NRXN1: variants seen among roughly 807,000 people sequenced by gnomAD.
NRXN1 encodes neurexin 1, also known as neurexin-1.
A neutral mutation model predicts 150.9 loss-of-function variants in NRXN1; 39 were observed. The ratio of observed to expected loss-of-function variants is 0.26; its 90% CI spans 0.20 to 0.34. The LOEUF (loss-of-function observed/expected upper bound fraction) is 0.34. Ranked by LOEUF, NRXN1 falls within the 10% of genes least tolerant of loss-of-function variation. NRXN1 has a pLI of 1.00. For missense variants in NRXN1, 1,815 were observed against 1,949.9 expected (o/e 0.93, Z 1.30); for synonymous variants, 924 against 757.0 (o/e 1.22, Z -3.62).
At chr2:49,991,057 AAAAT>A (rs1355563319) in intron 21 of NRXN1, among the ~76,000 whole-genome samples, 1 of 152,178 alleles carries the variant, frequency 6.6e-6, no homozygotes, top group African/African-American at 2.4e-5. Flanking sequence ...AATTTGGAAA[AAAAT>A]AAAATAAATA....
At chr2:50,497,966 A>G (rs2091736178) in intron 13 of NRXN1, among the ~76,000 whole-genome samples, 1 of 152,208 alleles carries the variant, frequency 6.6e-6, no homozygotes, top group African/African-American at 2.4e-5. Context: ...AACAAAAGTA[A>G]TGGTATCTTT....
chr2:50,565,851 T>A (rs1232186676), intron 8 of NRXN1, among the ~76,000 whole-genome samples: 2 of 152,132 alleles, frequency 1.3e-5, no homozygotes, highest in African/African-American at 2.4e-5. Flanking sequence ...CCAGACCATG[T>A]CCCAGCCCTT....
intron 17 of NRXN1, among the ~76,000 whole-genome samples, chr2:50,258,962 A>G (rs903949066): frequency 2.6e-5 from 4 of 152,016 alleles, no homozygotes; most frequent in Admixed American, 6.6e-5. Flanking sequence ...CATGCTGTAA[A>G]CAGCATGTCA....
chr2:50,382,068 A>T (rs2081011921), intron 17 of NRXN1, among the ~76,000 whole-genome samples: 1 of 152,102 alleles, frequency 6.6e-6, no homozygotes, highest in African/African-American at 2.4e-5. Context: ...AGAGTTGCTC[A>T]ATCTCCGACC....
chr2:50,593,030 C>T (rs1674543029), intron 8 of NRXN1, among the ~76,000 whole-genome samples: 1 of 152,210 alleles, frequency 6.6e-6, no homozygotes, highest in African/African-American at 2.4e-5. Context: ...GCCAAATGAA[C>T]CTCTCTTTCC....
At chr2:49,940,203 T>C (rs1185643597) in intron 22 of NRXN1, among the ~76,000 whole-genome samples, 2 of 152,114 alleles carry the variant, frequency 1.3e-5, no homozygotes, top group Non-Finnish European at 2.9e-5. Context: ...AAGGTAATGG[T>C]GCATCTCCTT....
intron 5 of NRXN1, among the ~76,000 whole-genome samples, chr2:50,794,988 T>G (rs1391847460): frequency 6.6e-5 from 10 of 152,128 alleles, no homozygotes; most frequent in Admixed American, 6.6e-4. Flanking sequence ...AAAAGAACTA[T>G]ATTTTTTCCA....
chr2:50,563,255 T>C (rs980520427), intron 8 of NRXN1, among the ~76,000 whole-genome samples: 5 of 152,366 alleles, frequency 3.3e-5, no homozygotes, highest in African/African-American at 1.2e-4. Flanking sequence ...ATTACATTCC[T>C]ATTATTACAA....
chr2:50,284,859 A>AATTTATTT (rs1329630013), intron 17 of NRXN1, among the ~76,000 whole-genome samples: 2 of 152,196 alleles, frequency 1.3e-5, no homozygotes, highest in African/African-American at 4.8e-5. Flanking sequence ...GGAAACTGCA[A>AATTTATTT]CTTTCAGCAA....
At chr2:50,895,630 GA>G (rs1681822257) in intron 5 of NRXN1, among the ~76,000 whole-genome samples, 1 of 151,416 alleles carries the variant, frequency 6.6e-6, no homozygotes, top group Non-Finnish European at 1.5e-5. Flanking sequence ...GTCCAGGCTG[GA>G]GTGAAATGGC....
intron 17 of NRXN1, among the ~76,000 whole-genome samples, chr2:50,296,562 G>A (rs1415563378): frequency 9.5e-6 from 1 of 104,902 alleles, no homozygotes; most frequent in Non-Finnish European, 2.1e-5. Flanking sequence ...TTGAACTCCT[G>A]GGTTCACACA....
chr2:50,026,250 T>C (rs1166997680), intron 21 of NRXN1, among the ~76,000 whole-genome samples: 3 of 152,224 alleles, frequency 2.0e-5, no homozygotes, highest in African/African-American at 7.2e-5. Flanking sequence ...GCACATGCTA[T>C]CTGAAACACC....
intron 19 of NRXN1, among the ~76,000 whole-genome samples, chr2:50,090,839 AC>A (rs769521806): frequency 2.6e-5 from 4 of 152,092 alleles, no homozygotes; most frequent in Non-Finnish European, 5.9e-5. Context: ...TTGTTTTCTC[AC>A]TAGTTCTCTA....
chr2:50,661,284 C>G (rs1687264064), intron 5 of NRXN1, among the ~76,000 whole-genome samples: 2 of 151,994 alleles, frequency 1.3e-5, no homozygotes, highest in South Asian at 2.1e-4. Flanking sequence ...AAAAGGTTCA[C>G]AGAAGAACTC....
chr2:50,666,879 A>ATGATGTGTG (rs1237981785), intron 5 of NRXN1, among the ~76,000 whole-genome samples: 1 of 107,818 alleles, frequency 9.3e-6, no homozygotes, highest in African/African-American at 3.5e-5. Context: ...GATGATGATG[A>ATGATGTGTG]TGTGTGTGTG....
chr2:50,964,681 ATTT>A lies in NRXN1; in HGVS notation c.773-38729_773-38727del, dbSNP rs376089937. Among the ~76,000 whole-genome samples the A allele has an allele frequency of 2.9e-4, 44 of 151,494 alleles. 1 individual carries two copies. The highest frequency in any genetic ancestry group is 1.0e-3 in the African/African-American group (43 of 41,468). On this transcript the variant is annotated intron_variant, in intron 2 of 22. Coordinates refer to ENST00000401669, the MANE Select transcript of NRXN1 (RefSeq NM_001330078.2). The stretch of plus-strand genomic sequence containing the variant: ...TTTGACAACTTTTCATTTAGACCCA[ATTT>A]TCTATAGAGATTATCATGTGGCAGA...
intron 17 of NRXN1, among the ~76,000 whole-genome samples, chr2:50,361,270 G>A (rs1384347001): frequency 1.3e-5 from 2 of 152,050 alleles, no homozygotes; most frequent in African/African-American, 2.4e-5. Context: ...GATCAGAGCA[G>A]AACTGAAGGA....
At chr2:50,450,385 A>C (rs1324260606) in intron 17 of NRXN1, among the ~76,000 whole-genome samples, 1 of 152,040 alleles carries the variant, frequency 6.6e-6, no homozygotes. Flanking sequence ...CTGAGTATAT[A>C]TTAAACACCA....
At chr2:50,837,417 C>T (rs1425367277) in intron 5 of NRXN1, among the ~76,000 whole-genome samples, 1 of 152,054 alleles carries the variant, frequency 6.6e-6, no homozygotes, top group Non-Finnish European at 1.5e-5. Context: ...GGTTAGAATC[C>T]AGGCTGTCCT....
Sources: allele counts gnomAD v4.1 joint callset (sites outside exome capture counted in the v4.1 genomes callset), GRCh38; gene constraint gnomAD v4.1.1; transcripts MANE v1.5; gene names NCBI Gene and HGNC (gene_info 2026-07-23, HGNC 2026-07-21).